CD101: variants seen among roughly 807,000 people sequenced by gnomAD.
CD101 encodes the protein CD101 molecule, also known as immunoglobulin superfamily member 2.
CD101 carries 76 observed loss-of-function variants against 98.2 expected under a neutral mutation model. The observed-to-expected ratio is 0.77, with a 90% CI of 0.64 to 0.94. The LOEUF (loss-of-function observed/expected upper bound fraction) is 0.94, where lower values mean the gene tolerates loss of function less well. Ranked by LOEUF, CD101 falls within the 40% of genes least tolerant of loss-of-function variation. The probability of loss-of-function intolerance (pLI) is 0.00; values close to 1 mark genes in which losing one functional copy is unlikely to be tolerated. For missense variants in CD101, 1,145 were observed against 1,218.8 expected (o/e 0.94, Z 0.90); for synonymous variants, 471 against 472.7 (o/e 1.00, Z 0.05).
rs906253134 is a variant in CD101 at position 117,021,647 on chromosome 1, A to T, written c.2092A>T (p.Ser698Cys). 6.2e-7 allele frequency: 1 copy of T among 1,613,884 alleles called. No individual in the cohort carries two copies. The highest frequency in any genetic ancestry group is 8.5e-7 in the Non-Finnish European group (1 of 1,179,926). The change falls in exon 7 of 10, where the codon AGC (serine) becomes TGC (cysteine). Residue 698 changes from serine to cysteine, a missense_variant. By Grantham distance (112) the Ser-to-Cys change is moderately radical. Transcript: ENST00000682167. The surrounding 1 kb of genome is among the most constrained non-coding windows in gnomAD (Gnocchi z 4.7). ...CAACTCCAACACTGATATAGAATGT[A>T]GCATCTTGTCCCGGTCCAATGGAAA... The part of the protein sequence containing the change: ...SINSNTDIEC[S>C]ILSRSNGNLQ...
At chr1:117,035,282 T>C (rs1300531754) in intron 9 of CD101, among the ~76,000 whole-genome samples, 2 of 152,222 alleles carry the variant, frequency 1.3e-5, no homozygotes, top group Non-Finnish European at 2.9e-5. Context: ...TTAACACTCG[T>C]TAATTTGCAT....
rs185830682 is a variant in CD101 at position 117,015,356 on chromosome 1, A to T, written c.1228+1564A>T. Among the ~76,000 whole-genome samples the T allele has an allele frequency of 4.5e-3, 681 of 150,380 alleles. 3 individuals are homozygous for T. The highest frequency in any genetic ancestry group is 0.013 in the African/African-American group (552 of 41,068). ...ACAATGAACTAAGGAAACATCATTT[A>T]AAAAAAAAATCATTAGTTTAAACTA... On this transcript the variant is annotated intron_variant, in intron 4 of 9. Transcript: ENST00000682167.
chr1:117,006,294 TG>T lies in CD101; in HGVS notation c.44-3555del, dbSNP rs1337785292. Among the ~76,000 whole-genome samples the T allele has an allele frequency of 1.3e-5, 2 of 152,198 alleles. No individual in the cohort carries two copies. The highest frequency in any genetic ancestry group is 4.8e-5 in the African/African-American group (2 of 41,454). ...CCTTTACTTTTATCCCTATTGCTTT[TG>T]TCACCTCTGTCCTGAGCTCCTACAA... On this transcript the variant is annotated intron_variant, in intron 1 of 9. Transcript: ENST00000682167. This position sits in a 1 kb window ranked among gnomAD's most constrained non-coding sequence, Gnocchi z 4.4.
rs201188703 is a variant in CD101 at position 117,034,077 on chromosome 1, C to G, written c.3042C>G (p.Asp1014Glu). Reference sequence around the variant, plus strand: ...GTGTGACCACAAATAGGAGGGAAGACGAGGAGGAAGATGAAGGCAACTGAA... The same window carrying G: ...GTGTGACCACAAATAGGAGGGAAGAGGAGGAGGAAGATGAAGGCAACTGAA... The part of the protein sequence containing the change: ...AGGVTTNRRE[D>E]EEEDEGN Residue 1014 changes from aspartate (D) to glutamate (E), a missense_variant, in exon 9 of 10, where the codon GAC (aspartate) becomes GAG (glutamate). Asp to Glu is a conservative substitution (Grantham distance 45). Transcript: ENST00000682167. 6.8e-6 allele frequency: 11 copies of G among 1,613,952 alleles called. No homozygotes were observed. Among genetic ancestry groups the G allele is most frequent in the African/African-American group, 1.3e-5 (1 of 74,866 alleles).
Position 117,021,816 on chromosome 1 carries a change from A to G in CD101, c.2261A>G (p.Glu754Gly). ...TPQRKQKFHT[E>G]KVSQDLFQLH... ...CAGAGAAAACAAAAATTTCATACTGAGAAGGTTTCCCAAGACTTATTTCAG... is the reference window on the plus strand; with the variant it reads ...CAGAGAAAACAAAAATTTCATACTGGGAAGGTTTCCCAAGACTTATTTCAG... The change falls in exon 7 of 10, where the codon GAG becomes GGG. Residue 754 changes from glutamate to glycine, a missense_variant. Physicochemically the swap from Glu to Gly is moderately conservative, Grantham distance 98. Coordinates refer to ENST00000682167, the MANE Select transcript of CD101 (RefSeq NM_001256106.3). This position sits in a 1 kb window ranked among gnomAD's most constrained non-coding sequence, Gnocchi z 4.7. The G allele has an allele frequency of 6.2e-7, 1 of 1,614,104 alleles. No homozygotes were observed. The highest frequency in any genetic ancestry group is 1.1e-5 in the South Asian group (1 of 91,082).
intron 8 of CD101, chr1:117,026,110 A>G (rs541649234): frequency 3.0e-5 from 16 of 531,868 alleles, no homozygotes; most frequent in South Asian, 2.2e-4. Flanking sequence ...AGATTTTGGC[A>G]TAGACACTTA....
In CD101 at chr1:117,012,296, C is replaced by T. The variant is rs979128355; in HGVS notation, c.841+330C>T. Among the ~76,000 whole-genome samples, 3 of 152,218 alleles carry T rather than the reference C, an allele frequency of 2.0e-5. No individual in the cohort carries two copies. The highest frequency in any genetic ancestry group is 4.4e-5 in the Non-Finnish European group (3 of 68,034). ...ATCTAATTTAGTCGTAACCACCACC[C>T]TATGAGGCAAGTAGTTGAGTCTCCA... On this transcript the variant is annotated intron_variant, in intron 3 of 9. Coordinates refer to ENST00000682167, the MANE Select transcript of CD101 (RefSeq NM_001256106.3). The surrounding 1 kb of genome is among the most constrained non-coding windows in gnomAD (Gnocchi z 4.0).
chr1:117,029,239 AAG>A (rs1365105104), intron 8 of CD101, among the ~76,000 whole-genome samples: 1 of 144,576 alleles, frequency 6.9e-6, no homozygotes, highest in Non-Finnish European at 1.5e-5. Context: ...GAAAGAAAGA[AAG>A]AAAGAAAGAA....
At chr1:117,002,348 G>A (rs1272666074) in intron 1 of CD101, among the ~76,000 whole-genome samples, 1 of 152,206 alleles carries the variant, frequency 6.6e-6, no homozygotes, top group African/African-American at 2.4e-5. Flanking sequence ...ACCTGCGAGT[G>A]GAAGTGGAAA....
chr1:117,017,409 G>A lies in CD101; in HGVS notation c.1548G>A (p.Lys516=). Residue 516 remains lysine, a synonymous_variant, in exon 5 of 10, where the codon AAG becomes AAA. Transcript: ENST00000682167. ...CATATGAGTGCAGAGTATCTGAGAAGTCTCGGAACCAGGCCAGAGATCTGA... is the reference window on the plus strand; with the variant it reads ...CATATGAGTGCAGAGTATCTGAGAAATCTCGGAACCAGGCCAGAGATCTGA... The part of the protein sequence containing the change: ...SGTYECRVSE[K]SRNQARDLSW... 3.1e-6 allele frequency: 5 copies of A among 1,614,224 alleles called. No individual in the cohort carries two copies. Among genetic ancestry groups the A allele is most frequent in the Non-Finnish European group, 4.2e-6 (5 of 1,180,020 alleles).
Position 117,013,764 on chromosome 1 carries a change from C to T in CD101, c.1200C>T (p.Asp400=), listed in dbSNP as rs1034574919. ...WQVLQRKQSP[D]SHVHLRKPAA... ...TGCTTCAGAGAAAGCAGTCACCAGA[C>T]AGCCACGTGCACCTGAGGAAGCCAG... Residue 400 remains aspartate (D), a synonymous_variant, in exon 4 of 10, where the codon GAC becomes GAT. Transcript: ENST00000682167. 6.2e-7 allele frequency: 1 copy of T among 1,612,712 alleles called. No homozygotes were observed. Among genetic ancestry groups the T allele is most frequent in the Non-Finnish European group, 8.5e-7 (1 of 1,179,666 alleles).
At chr1:117,034,894 C>G (rs17235793) in intron 9 of CD101, among the ~76,000 whole-genome samples, 128 of 152,242 alleles carry the variant, frequency 8.4e-4, no homozygotes, top group Non-Finnish European at 1.4e-3. Context: ...AAAGGTCCAT[C>G]TGGCTCCTGG....
intron 1 of CD101, among the ~76,000 whole-genome samples, chr1:117,003,519 GGTTAA>G (rs2101108682): frequency 6.6e-6 from 1 of 152,200 alleles, no homozygotes; most frequent in East Asian, 1.9e-4. Flanking sequence ...TTTGTTGTTT[GGTTAA>G]GTTGTCTGAG....
rs1652502293 is a variant in CD101 at position 117,005,954 on chromosome 1, G to C, written c.44-3896G>C. Among the ~76,000 whole-genome samples, 1 of 151,938 alleles carries C rather than the reference G, an allele frequency of 6.6e-6. No homozygotes were observed. The highest frequency in any genetic ancestry group is 1.9e-4 in the East Asian group (1 of 5,192). On this transcript the variant is annotated intron_variant, in intron 1 of 9. Transcript: ENST00000682167. The surrounding 1 kb of genome is among the most constrained non-coding windows in gnomAD (Gnocchi z 4.4). ...CTTTGAAAATATGTATAATTTATAT[G>C]TAAATATAAATATCTATATTTAAAT...
rs142901236 is a variant in CD101 at position 117,013,786 on chromosome 1, C to T, written c.1222C>T (p.Pro408Ser). 2 of 1,609,014 alleles carry T rather than the reference C, an allele frequency of 1.2e-6. No individual in the cohort carries two copies. The highest frequency in any genetic ancestry group is 1.7e-6 in the Non-Finnish European group (2 of 1,178,134). Reference sequence around the variant, plus strand: ...AGACAGCCACGTGCACCTGAGGAAGCCAGCAGGTACGTAAAGTCAAGGCCA... The same window carrying T: ...AGACAGCCACGTGCACCTGAGGAAGTCAGCAGGTACGTAAAGTCAAGGCCA... ...SPDSHVHLRK[P>S]AARSVVMSTK... The change falls in exon 4 of 10, where the codon CCA becomes TCA. Residue 408 changes from proline to serine, a missense_variant. Transcript: ENST00000682167.
Position 117,001,821 on chromosome 1 carries a change from G to A in CD101, c.4G>A (p.Ala2Thr), listed in dbSNP as rs773319551. The change falls in exon 1 of 10, where the codon GCA becomes ACA. Residue 2 changes from alanine to threonine, a missense_variant. Physicochemically the swap from Ala to Thr is moderately conservative, Grantham distance 58. Transcript: ENST00000682167. M[A>T]GISYVASFFL... ...AAAAAGGACTGTGCTGGCCCAAATG[G>A]CAGGCATCTCATATGTGGCATCTTT... is the stretch of plus-strand genomic sequence containing the variant. 3 of 1,614,026 alleles carry A rather than the reference G, an allele frequency of 1.9e-6. No homozygotes were observed. Among genetic ancestry groups the A allele is most frequent in the Non-Finnish European group, 1.7e-6 (2 of 1,179,934 alleles).
At position 117,012,415 on chromosome 1, in the gene CD101, C is replaced by T. The variant is rs1652944362; in HGVS notation, c.841+449C>T. On this transcript the variant is annotated intron_variant, in intron 3 of 9. Coordinates refer to ENST00000682167, the MANE Select transcript of CD101 (RefSeq NM_001256106.3). The surrounding 1 kb of genome is among the most constrained non-coding windows in gnomAD (Gnocchi z 4.0). The stretch of plus-strand genomic sequence containing the variant: ...AGTGGGGCTGGCATTCAAAGGGAGG[C>T]CTGTCTCTCTCCAAAGCCCACTCAG... 6.6e-6 allele frequency among the ~76,000 whole-genome samples: 1 copy of T among 152,288 alleles called. No individual in the cohort carries two copies. Among genetic ancestry groups the T allele is most frequent in the Admixed American group, 6.5e-5 (1 of 15,296 alleles).
In CD101 at chr1:117,025,901, T is replaced by G; in HGVS notation, c.2821T>G (p.Ser941Ala). 1.2e-6 allele frequency: 2 copies of G among 1,604,034 alleles called. No homozygotes were observed. Among genetic ancestry groups the G allele is most frequent in the Non-Finnish European group, 1.7e-6 (2 of 1,172,478 alleles). Residue 941 changes from serine (S) to alanine (A), a missense_variant, in exon 8 of 10, where the codon TCA (serine) becomes GCA (alanine). Ser to Ala is a moderately conservative substitution (Grantham distance 99). Coordinates refer to ENST00000682167, the MANE Select transcript of CD101 (RefSeq NM_001256106.3). ...GCGGATGGTGCTCACGGTGCTGCCT[T>G]CAGGTAACCAGGGGTTTATCTACCG... ...SQRMVLTVLP[S>A]EPTLPSRICS...
intron 1 of CD101, 61 bp downstream of exon 1, chr1:117,001,921 A>G (rs1652253302): frequency 6.6e-7 from 1 of 1,510,058 alleles, no homozygotes; most frequent in Non-Finnish European, 9.2e-7. Context: ...CAGGGTGCTG[A>G]GTGATGGAAC....
Sources: allele counts gnomAD v4.1 joint callset (sites outside exome capture counted in the v4.1 genomes callset), GRCh38; gene constraint gnomAD v4.1.1; non-coding constraint Gnocchi (gnomAD v3.1); transcripts MANE v1.5; gene names NCBI Gene and HGNC (gene_info 2026-07-23, HGNC 2026-07-21).